VPS13B: variants seen among roughly 807,000 people sequenced by gnomAD.
VPS13B encodes the protein vacuolar protein sorting 13 homolog B, also known as intermembrane lipid transfer protein VPS13B.
VPS13B carries 285 observed loss-of-function variants against 426.4 expected under a neutral mutation model. The observed-to-expected ratio is 0.67, with a 90% confidence interval of 0.61 to 0.74. The LOEUF (loss-of-function observed/expected upper bound fraction) is 0.74, where lower values mean the gene tolerates loss of function less well. Among genes scored for constraint, VPS13B ranks in the 30% least tolerant of loss-of-function variants. The probability of loss-of-function intolerance (pLI) is 0.00; values close to 1 mark genes in which losing one functional copy is unlikely to be tolerated. For synonymous variants in VPS13B, 1,676 were observed against 1,676.4 expected, an observed-to-expected ratio of 1.00 and a Z score of 0.01; for missense variants, 4,537 against 4,782.6, an observed-to-expected ratio of 0.95 and a Z score of 1.51.
chr8:99,108,049 C>T (rs1847139445), intron 5 of VPS13B, among the ~76,000 whole-genome samples: 1 of 152,162 alleles, frequency 6.6e-6, no homozygotes, highest in Non-Finnish European at 1.5e-5. Flanking sequence ...TTCTTTGTGT[C>T]CATGTATACT....
chr8:99,384,125 C>T, intron 19 of VPS13B, 83 bp from the exon 20 acceptor site: 2 of 1,112,226 alleles, frequency 1.8e-6, no homozygotes, highest in Non-Finnish European at 2.8e-6. Flanking sequence ...TATGTCATAG[C>T]TATCCTACAT....
At chr8:99,792,288 G>A (rs1487456632) in intron 43 of VPS13B, among the ~76,000 whole-genome samples, 3 of 152,032 alleles carry the variant, frequency 2.0e-5, no homozygotes, top group Non-Finnish European at 4.4e-5. Context: ...AAAAAAAAAT[G>A]TTAACTCAAT....
At chr8:99,871,759 G>T in intron 61 of VPS13B, 62 bp downstream of exon 61, 1 of 1,609,392 alleles carries the variant, frequency 6.2e-7, no homozygotes, top group Non-Finnish European at 8.5e-7. Context: ...GAGCAGGCTG[G>T]TCACTGGTAC....
intron 19 of VPS13B, among the ~76,000 whole-genome samples, chr8:99,351,660 T>C (rs1185346771): frequency 6.6e-6 from 1 of 152,066 alleles, no homozygotes; most frequent in African/African-American, 2.4e-5. Flanking sequence ...CTTATTCTAT[T>C]ATTTTATTAT....
chr8:99,268,141 G>A (rs1265176218), intron 17 of VPS13B, among the ~76,000 whole-genome samples: 1 of 152,204 alleles, frequency 6.6e-6, no homozygotes, highest in Non-Finnish European at 1.5e-5. Context: ...AGATTTCAGA[G>A]GATGTGTGGA....
intron 19 of VPS13B, among the ~76,000 whole-genome samples, chr8:99,339,672 T>C (rs1360624439): frequency 1.3e-5 from 2 of 152,016 alleles, no homozygotes; most frequent in Non-Finnish European, 2.9e-5. Context: ...AAAAGTAATG[T>C]TTTACGGAAA....
intron 3 of VPS13B, among the ~76,000 whole-genome samples, chr8:99,060,666 T>A (rs1376969506): frequency 6.6e-6 from 1 of 152,070 alleles, no homozygotes; most frequent in Non-Finnish European, 1.5e-5. Context: ...TGATGTATAA[T>A]CCTGAAATTT....
intron 54 of VPS13B, among the ~76,000 whole-genome samples, chr8:99,839,554 G>A (rs931422062): frequency 6.6e-6 from 1 of 152,224 alleles, no homozygotes; most frequent in Non-Finnish European, 1.5e-5. Context: ...GGCTTAAAGA[G>A]TAATCAGCTA....
At chr8:99,194,091 G>A (rs183877918) in intron 17 of VPS13B, among the ~76,000 whole-genome samples, 2 of 152,254 alleles carry the variant, frequency 1.3e-5, no homozygotes, top group East Asian at 1.9e-4. Flanking sequence ...TCATGTCAGT[G>A]CCCAAAGAGT....
At chr8:99,628,375 G>T (rs980816685) in intron 33 of VPS13B, among the ~76,000 whole-genome samples, 1 of 152,048 alleles carries the variant, frequency 6.6e-6, no homozygotes, top group Non-Finnish European at 1.5e-5. Flanking sequence ...AAAGCCATCT[G>T]TCTGAAATCT....
chr8:99,072,022 G>A (rs1188250713), intron 3 of VPS13B, among the ~76,000 whole-genome samples: 1 of 152,160 alleles, frequency 6.6e-6, no homozygotes, highest in Non-Finnish European at 1.5e-5. Context: ...CCAGAAGCCA[G>A]GGTCTGGAAC....
At chr8:99,540,536 C>T (rs753748503) in intron 30 of VPS13B, among the ~76,000 whole-genome samples, 5 of 152,150 alleles carry the variant, frequency 3.3e-5, no homozygotes, top group African/African-American at 4.8e-5. Context: ...ATATTGAATG[C>T]TTTTGCCTCA....
intron 3 of VPS13B, among the ~76,000 whole-genome samples, chr8:99,052,643 C>T (rs370137107): frequency 2.7e-5 from 4 of 149,858 alleles, no homozygotes; most frequent in East Asian, 2.0e-4. Context: ...AGAATTCGGC[C>T]GTGAATCCAT....
intron 24 of VPS13B, among the ~76,000 whole-genome samples, chr8:99,469,565 G>C (rs1819291659): frequency 6.6e-6 from 1 of 152,084 alleles, no homozygotes; most frequent in South Asian, 2.1e-4. Context: ...TATACCCATA[G>C]TGATATAGAA....
intron 35 of VPS13B, among the ~76,000 whole-genome samples, chr8:99,695,689 A>G (rs181385292): frequency 3.2e-4 from 47 of 147,698 alleles, no homozygotes; most frequent in African/African-American, 1.1e-3. Context: ...CCTAAAACTT[A>G]AAGTATAATA....
At chr8:99,542,214 G>A (rs530964227) in intron 30 of VPS13B, among the ~76,000 whole-genome samples, 27 of 152,150 alleles carry the variant, frequency 1.8e-4, no homozygotes, top group African/African-American at 5.3e-4. Context: ...GCTTAAGCCC[G>A]GCCTTTATTA....
chr8:99,681,132 G>A (rs1831138623), intron 35 of VPS13B, among the ~76,000 whole-genome samples: 1 of 152,164 alleles, frequency 6.6e-6, no homozygotes, highest in African/African-American at 2.4e-5. Context: ...GATCAAGGAT[G>A]TGAAAGTTCA....
intron 33 of VPS13B, among the ~76,000 whole-genome samples, chr8:99,634,220 CT>C (rs1010538814): frequency 6.6e-6 from 1 of 151,010 alleles, no homozygotes; most frequent in Non-Finnish European, 1.5e-5. Context: ...GATACATATA[CT>C]TTTTTTTTAG....
intron 19 of VPS13B, among the ~76,000 whole-genome samples, chr8:99,300,989 G>A (rs1282733018): frequency 6.6e-6 from 1 of 150,406 alleles, no homozygotes; most frequent in Admixed American, 6.6e-5. Flanking sequence ...TTTGGTGGGT[G>A]GCTCGCTTGA....
Sources: allele counts gnomAD v4.1 joint callset (sites outside exome capture counted in the v4.1 genomes callset), GRCh38; gene constraint gnomAD v4.1.1; transcripts MANE v1.5; gene names NCBI Gene and HGNC (gene_info 2026-07-23, HGNC 2026-07-21).